AKAP13: variants seen among roughly 807,000 people sequenced by gnomAD.
AKAP13 encodes A-kinase anchor protein 13.
In AKAP13, 80 loss-of-function variants were observed where a neutral mutation model predicts 264.5. The observed-to-expected ratio is 0.30, with a 90% CI of 0.25 to 0.36. The LOEUF (loss-of-function observed/expected upper bound fraction) is 0.36. Among genes scored for constraint, AKAP13 ranks in the 10% least tolerant of loss-of-function variants. The pLI, the probability that AKAP13 is intolerant of heterozygous loss-of-function variation, is 1.00. For missense variants in AKAP13, 3,712 were observed against 3,435.2 expected, an observed-to-expected ratio of 1.08 and a Z score of -2.01; for synonymous variants, 1,380 against 1,250.2, an observed-to-expected ratio of 1.10 and a Z score of -2.19.
chr15:85,499,414 T>C (rs1247510425), intron 2 of AKAP13, among the ~76,000 whole-genome samples: 1 of 152,210 alleles, frequency 6.6e-6, no homozygotes, highest in African/African-American at 2.4e-5. Flanking sequence ...GCAGATGGAA[T>C]TGGTAAGAGC....
intron 3 of AKAP13, among the ~76,000 whole-genome samples, chr15:85,528,714 G>A (rs2151179995): frequency 6.6e-6 from 1 of 152,242 alleles, no homozygotes; most frequent in East Asian, 1.9e-4. Context: ...TCAGCTGGGA[G>A]CAGACTTCTC....
At chr15:85,492,442 C>A (rs1042699486) in intron 2 of AKAP13, among the ~76,000 whole-genome samples, 1 of 152,182 alleles carries the variant, frequency 6.6e-6, no homozygotes, top group African/African-American at 2.4e-5. Flanking sequence ...AATAACTTCA[C>A]CTCTATCAAC....
chr15:85,514,102 T>A (rs2076530345), intron 2 of AKAP13, among the ~76,000 whole-genome samples: 1 of 137,864 alleles, frequency 7.3e-6, no homozygotes. Flanking sequence ...CTCATCAGAA[T>A]CTCCCTCTGG....
At chr15:85,710,788 T>A in intron 19 of AKAP13, 143 bp downstream of exon 19, 1 of 880,788 alleles carries the variant, frequency 1.1e-6, no homozygotes, top group Non-Finnish European at 1.7e-6. Context: ...TGCTGTTTTA[T>A]CCTGCAGATT....
chr15:85,748,284 G>A lies in AKAP13; in HGVS notation c.*3607G>A, dbSNP rs2089427114. 1 of 152,224 alleles carries A rather than the reference G, an allele frequency of 6.6e-6. No individual in the cohort carries two copies. The highest frequency in any genetic ancestry group is 2.4e-5 in the African/African-American group (1 of 41,436). 9.4% of individuals were successfully genotyped at this position (152,224 alleles called of 1,614,324 possible). A position where few individuals can be genotyped will look rare whatever the true frequency, so the allele number is the denominator to read the frequency against. ...GGCTTCAAGTGGTCACAAAGAGGGTGGCTGTGAGGTGACCCCAGACACTGC... is the reference window on the plus strand; with the variant it reads ...GGCTTCAAGTGGTCACAAAGAGGGTAGCTGTGAGGTGACCCCAGACACTGC... On this transcript the variant is annotated 3_prime_UTR_variant, in exon 37 of 37. Coordinates refer to ENST00000394518, the MANE Select transcript of AKAP13 (RefSeq NM_007200.5).
At chr15:85,717,211 C>T (rs767252138) in intron 20 of AKAP13, 79 bp from the exon 21 acceptor site, 6 of 886,166 alleles carry the variant, frequency 6.8e-6, no homozygotes, top group African/African-American at 5.2e-5. Flanking sequence ...ATTCTAGAGT[C>T]TTCAGGTACT....
intron 33 of AKAP13, among the ~76,000 whole-genome samples, chr15:85,736,420 TTTTTG>T (rs893952200): frequency 8.5e-5 from 11 of 129,898 alleles, no homozygotes; most frequent in African/African-American, 2.0e-4. Flanking sequence ...TCTTGCTGTT[TTTTTG>T]TTTGTTTGTT....
chr15:85,533,466 G>A (rs771048923), intron 3 of AKAP13, 118 bp from the exon 4 acceptor site: 54 of 905,094 alleles, frequency 6.0e-5, no homozygotes, highest in Non-Finnish European at 8.3e-5. Flanking sequence ...GGAAGGAGGG[G>A]GTGTTTTTTA....
At chr15:85,573,969 T>C (rs2078918353) in intron 5 of AKAP13, among the ~76,000 whole-genome samples, 1 of 152,216 alleles carries the variant, frequency 6.6e-6, no homozygotes, top group Non-Finnish European at 1.5e-5. Context: ...AAACAGTGCT[T>C]AGATTATAAT....
chr15:85,679,565 C>G (rs2084466306), intron 14 of AKAP13, among the ~76,000 whole-genome samples: 1 of 152,166 alleles, frequency 6.6e-6, no homozygotes, highest in African/African-American at 2.4e-5. Context: ...GTTCAATATA[C>G]TGTTTCTCCC....
At chr15:85,390,196 C>G (rs1376578017) in intron 1 of AKAP13, among the ~76,000 whole-genome samples, 4 of 152,136 alleles carry the variant, frequency 2.6e-5, no homozygotes, top group Non-Finnish European at 4.4e-5. Flanking sequence ...TGCCGTTAAT[C>G]TATATCCTAT....
At chr15:85,582,590 T>C (rs1596596975) in intron 7 of AKAP13, among the ~76,000 whole-genome samples, 3 of 152,184 alleles carry the variant, frequency 2.0e-5, no homozygotes, top group African/African-American at 7.2e-5. Flanking sequence ...CATGAACAGC[T>C]GTAAGTATTG....
At position 85,507,852 on chromosome 15, in the gene AKAP13, C is replaced by G. The variant is rs113369862; in HGVS notation, c.34-13576C>G. ...TCCCACACATCAGACTGGTGGTGCT[C>G]CCTGGGCACAGGTGGGCACCTGCTG... On this transcript the variant is annotated intron_variant, in intron 2 of 36. Transcript: ENST00000394518. Among the ~76,000 whole-genome samples the G allele has an allele frequency of 3.1e-3, 470 of 152,348 alleles. 2 individuals are homozygous for G. Among genetic ancestry groups the G allele is most frequent in the Non-Finnish European group, 5.0e-3 (339 of 68,034 alleles).
intron 33 of AKAP13, among the ~76,000 whole-genome samples, chr15:85,737,784 C>T (rs377733556): frequency 2.6e-5 from 4 of 152,148 alleles, no homozygotes; most frequent in South Asian, 2.1e-4. Flanking sequence ...ACTACAGGCC[C>T]GCACTACCAT....
At chr15:85,677,825 T>A (rs1002079168) in intron 14 of AKAP13, among the ~76,000 whole-genome samples, 2 of 152,066 alleles carry the variant, frequency 1.3e-5, no homozygotes, top group Non-Finnish European at 2.9e-5. Flanking sequence ...TTTTTTTGTA[T>A]TTTTAGTAGA....
intron 1 of AKAP13, among the ~76,000 whole-genome samples, chr15:85,384,885 G>T (rs987380149): frequency 1.3e-5 from 2 of 152,182 alleles, no homozygotes; most frequent in Non-Finnish European, 2.9e-5. Context: ...GTCAGACCTT[G>T]CTGTAAGGAT....
At chr15:85,398,408 TC>T (rs1192530911) in intron 1 of AKAP13, among the ~76,000 whole-genome samples, 1 of 152,222 alleles carries the variant, frequency 6.6e-6, no homozygotes, top group Admixed American at 6.5e-5. Context: ...GTATAATTTT[TC>T]TTTCCAAACT....
chr15:85,396,366 T>A (rs1314445196), intron 1 of AKAP13, among the ~76,000 whole-genome samples: 1 of 152,190 alleles, frequency 6.6e-6, no homozygotes, highest in Middle Eastern at 3.2e-3. Context: ...ATGTGGTGCG[T>A]GATGGCTGGC....
chr15:85,629,361 C>A (rs1375553458), intron 8 of AKAP13, among the ~76,000 whole-genome samples: 1 of 152,102 alleles, frequency 6.6e-6, no homozygotes, highest in African/African-American at 2.4e-5. Context: ...ACTTTGCCTC[C>A]TTTGGCCTCA....
Sources: allele counts gnomAD v4.1 joint callset (sites outside exome capture counted in the v4.1 genomes callset), GRCh38; gene constraint gnomAD v4.1.1; transcripts MANE v1.5; gene names NCBI Gene and HGNC (gene_info 2026-07-23, HGNC 2026-07-21).